Variants in RCBTB2 observed in about 807,000 individuals in gnomAD.
RCBTB2 encodes RCC1 and BTB domain-containing protein 2.
In RCBTB2, 55 loss-of-function variants were observed where a neutral mutation model predicts 65.4. That is an observed-to-expected ratio of 0.84 (90% CI 0.68 to 1.05). The LOEUF is 1.05. RCBTB2 is among the 50% of genes least tolerant of loss of function. The probability of loss-of-function intolerance (pLI) is 0.00; values close to 1 mark genes in which losing one functional copy is unlikely to be tolerated. For synonymous variants in RCBTB2, 220 were observed against 255.2 expected (o/e 0.86, Z 1.31); for missense variants, 599 against 680.1 (o/e 0.88, Z 1.33).
At chr13:48,512,971 C>T in intron 6 of RCBTB2, 76 bp from the exon 7 acceptor site, 1 of 1,201,446 alleles carries the variant, frequency 8.3e-7, no homozygotes, top group Non-Finnish European at 1.2e-6. Context: ...AGCACAGCTT[C>T]CACAAATGAA....
At chr13:48,493,315 A>ACACACACCCT (rs759504798) in intron 14 of RCBTB2, among the ~76,000 whole-genome samples, 1 of 75,028 alleles carries the variant, frequency 1.3e-5, no homozygotes, top group Admixed American at 1.4e-4. Context: ...ACACACACAC[A>ACACACACCCT]CTCTCTCTCT....
rs760018301 is a variant in RCBTB2 at position 48,510,657 on chromosome 13, G to A, written c.898C>T (p.Pro300Ser). Residue 300 changes from proline to serine, a missense_variant, in exon 10 of 15, where the codon CCT becomes TCT. By Grantham distance (74) the Pro-to-Ser change is moderately conservative. Transcript: ENST00000344532. ...TCCTTTTCCACAGTGACAGGAGTAG[G>A]ATAGGACTGGTTGCTTTTATTGCCA... ...GTGNKSNQSY[P>S]TPVTVEKDRI... The A allele has an allele frequency of 8.1e-6, 13 of 1,614,054 alleles. No homozygotes were observed. The highest frequency in any genetic ancestry group is 1.1e-5 in the Non-Finnish European group (13 of 1,180,038).
chr13:48,508,155 C>T (rs528130858), intron 10 of RCBTB2, among the ~76,000 whole-genome samples: 4 of 152,298 alleles, frequency 2.6e-5, no homozygotes, highest in East Asian at 1.9e-4. Context: ...GGCTTTCCTG[C>T]AATGGGCCGC....
intron 1 of RCBTB2, 196 bp downstream of exon 1, chr13:48,532,832 T>C (rs1952241795): frequency 2.0e-5 from 7 of 343,104 alleles, no homozygotes; most frequent in South Asian, 1.2e-4. Flanking sequence ...CCGCCAGCAG[T>C]TTTACGCATG....
intron 13 of RCBTB2, among the ~76,000 whole-genome samples, chr13:48,497,899 C>T (rs1411836496): frequency 6.6e-6 from 1 of 152,210 alleles, no homozygotes; most frequent in Non-Finnish European, 1.5e-5. Context: ...GCTGCACTGC[C>T]CTAAGAGAGG....
chr13:48,534,848 T>C (rs1379470694), upstream of RCBTB2, among the ~76,000 whole-genome samples: 4 of 152,332 alleles, frequency 2.6e-5, no homozygotes, highest in East Asian at 7.7e-4. Flanking sequence ...TGAGAGAGTA[T>C]AGGTTAGTAT....
At chr13:48,514,967 C>G (rs962525121) in intron 6 of RCBTB2, among the ~76,000 whole-genome samples, 2 of 152,198 alleles carry the variant, frequency 1.3e-5, no homozygotes, top group Admixed American at 6.5e-5. Context: ...AGTCCACAAT[C>G]AGTTCGTCAG....
chr13:48,527,714 G>A (rs1459019035), intron 1 of RCBTB2, among the ~76,000 whole-genome samples: 1 of 152,048 alleles, frequency 6.6e-6, no homozygotes, highest in Non-Finnish European at 1.5e-5. Flanking sequence ...TAATTGTACG[G>A]TTCACTAATT....
chr13:48,526,602 G>A (rs1177196532), intron 1 of RCBTB2, among the ~76,000 whole-genome samples: 1 of 152,112 alleles, frequency 6.6e-6, no homozygotes. Context: ...AAGCAACAGA[G>A]CAAGACTCTG....
rs187770018 is a variant in RCBTB2 at position 48,489,134 on chromosome 13, G to C, written c.*977C>G. 6.6e-6 allele frequency: 1 copy of C among 152,046 alleles called. No homozygotes were observed. The highest frequency in any genetic ancestry group is 6.6e-5 in the Admixed American group (1 of 15,266). The allele number at this position is 152,046 out of a possible 1,614,324, so 9.4% of individuals were successfully genotyped here. ...CTTTTGCAATTAGGTAATTTGTTTT[G>C]ATCTAAAAAGTACAAATTTATCTCA... On this transcript the variant is annotated 3_prime_UTR_variant, in exon 15 of 15. Coordinates refer to ENST00000344532, the MANE Select transcript of RCBTB2 (RefSeq NM_001268.4).
chr13:48,515,750 G>C lies in RCBTB2; in HGVS notation c.43-9C>G. On this transcript the variant is annotated splice_polypyrimidine_tract_variant and intron_variant, in intron 4 of 14. Coordinates refer to ENST00000344532, the MANE Select transcript of RCBTB2 (RefSeq NM_001268.4). ...AGAGTAGCCTGTACTGGCTGAAAAGGAAAAAATATATGTTGAAATGACAAA... is the reference window on the plus strand; with the variant it reads ...AGAGTAGCCTGTACTGGCTGAAAAGCAAAAAATATATGTTGAAATGACAAA... The C allele has an allele frequency of 6.3e-7, 1 of 1,586,284 alleles. No individual in the cohort carries two copies. Among genetic ancestry groups the C allele is most frequent in the East Asian group, 2.2e-5 (1 of 44,558 alleles).
intron 4 of RCBTB2, among the ~76,000 whole-genome samples, chr13:48,519,955 A>G (rs546224066): frequency 2.6e-5 from 4 of 152,262 alleles, no homozygotes; most frequent in South Asian, 4.1e-4. Context: ...TTGAGCACCA[A>G]TTATGATGTT....
intron 10 of RCBTB2, among the ~76,000 whole-genome samples, chr13:48,509,884 T>G (rs1950691403): frequency 6.6e-6 from 1 of 152,156 alleles, no homozygotes; most frequent in Non-Finnish European, 1.5e-5. Flanking sequence ...ATATATGCAG[T>G]AAAAACAGCA....
At chr13:48,499,142 ACTCTCT>A (rs568053175) in intron 13 of RCBTB2, among the ~76,000 whole-genome samples, 72 of 132,364 alleles carry the variant, frequency 5.4e-4, no homozygotes, top group East Asian at 8.8e-4. Context: ...ACACACACAC[ACTCTCT>A]CTCTCTCTCT....
Position 48,512,185 on chromosome 13 carries a change from G to C in RCBTB2, c.517-11C>G. ...ACCCCAGGCAAATACCTGTTTAAAG[G>C]AAAGATCAGTAAATGAAACAGATTA... On this transcript the variant is annotated splice_polypyrimidine_tract_variant and intron_variant, in intron 7 of 14. Coordinates refer to ENST00000344532, the MANE Select transcript of RCBTB2 (RefSeq NM_001268.4). 1.2e-6 allele frequency: 2 copies of C among 1,606,982 alleles called. No individual in the cohort carries two copies. The highest frequency in any genetic ancestry group is 1.7e-6 in the Non-Finnish European group (2 of 1,174,162).
chr13:48,527,361 T>TATGATATATATATATATGATATA lies in RCBTB2; in HGVS notation c.-218-2605_-218-2604insTATATCATATATATATATATCAT. On this transcript the variant is annotated intron_variant, in intron 1 of 14. Transcript: ENST00000344532. ...TGATATATATATATATGATATATAT[T>TATGATATATATATATATGATATA]TATATATGATATATATATATGATAT... Among the ~76,000 whole-genome samples, 198 of 112,368 alleles carry TATGATATATATATATATGATATA rather than the reference T, an allele frequency of 1.8e-3. 5 individuals are homozygous for TATGATATATATATATATGATATA. Among genetic ancestry groups the TATGATATATATATATATGATATA allele is most frequent in the African/African-American group, 0.01 (183 of 18,044 alleles). 73.7% of individuals were successfully genotyped at this position (112,368 alleles called of 152,430 possible). A position where few individuals can be genotyped will look rare whatever the true frequency, so the allele number is the denominator to read the frequency against.
chr13:48,527,900 T>C (rs1330778658), intron 1 of RCBTB2, among the ~76,000 whole-genome samples: 2 of 152,188 alleles, frequency 1.3e-5, no homozygotes, highest in African/African-American at 4.8e-5. Context: ...AGTCAAATAA[T>C]TCATTTGCCT....
At chr13:48,533,096 G>A, upstream of RCBTB2, 1 of 445,504 alleles carries the variant, frequency 2.2e-6, no homozygotes, top group Non-Finnish European at 4.5e-6. Context: ...CAGGGGCCCG[G>A]CGCCGCGATG....
chr13:48,512,172 T>C lies in RCBTB2; in HGVS notation c.519A>G (p.Val173=), dbSNP rs1207946609. 1 of 1,611,858 alleles carries C rather than the reference T, an allele frequency of 6.2e-7. No homozygotes were observed. Among genetic ancestry groups the C allele is most frequent in the Non-Finnish European group, 8.5e-7 (1 of 1,178,156 alleles). ...CAGAGTTATTATAACCCCAGGCAAA[T>C]ACCTGTTTAAAGGAAAGATCAGTAA... ...HSLVLTSDGE[V]FAWGYNNSGQ... The change falls in exon 8 of 15, where the codon GTA becomes GTG. Residue 173 remains valine, a splice_region_variant and synonymous_variant. Coordinates refer to ENST00000344532, the MANE Select transcript of RCBTB2 (RefSeq NM_001268.4).
Sources: allele counts gnomAD v4.1 joint callset (sites outside exome capture counted in the v4.1 genomes callset), GRCh38; gene constraint gnomAD v4.1.1; transcripts MANE v1.5; gene names NCBI Gene and HGNC (gene_info 2026-07-23, HGNC 2026-07-21).